TAFA2: variants seen among roughly 807,000 people sequenced by gnomAD.
TAFA2 encodes the protein chemokine-like protein TAFA-2.
TAFA2 carries 7 observed loss-of-function variants against 18.8 expected under a neutral mutation model. The ratio of observed to expected loss-of-function variants is 0.37; its 90% CI spans 0.21 to 0.70. The LOEUF is 0.70. Among genes scored for constraint, TAFA2 ranks in the 30% least tolerant of loss-of-function variants. TAFA2 has a pLI of 0.53. For synonymous variants in TAFA2, 60 were observed against 54.2 expected (o/e 1.11, Z -0.47); for missense variants, 122 against 158.1 (o/e 0.77, Z 1.23).
At chr12:62,105,792 A>T (rs1015504837) in intron 1 of TAFA2, among the ~76,000 whole-genome samples, 1 of 152,238 alleles carries the variant, frequency 6.6e-6, no homozygotes, top group Non-Finnish European at 1.5e-5. Flanking sequence ...TCAATAGCCA[A>T]ATAAAACAAA....
At chr12:62,043,455 G>A (rs969205967) in intron 1 of TAFA2, among the ~76,000 whole-genome samples, 4 of 150,050 alleles carry the variant, frequency 2.7e-5, no homozygotes, top group Non-Finnish European at 4.4e-5. Flanking sequence ...ACACTCCGGG[G>A]ACTGTTGTGA....
chr12:62,010,550 A>G (rs185882482), intron 1 of TAFA2, among the ~76,000 whole-genome samples: 1 of 151,982 alleles, frequency 6.6e-6, no homozygotes, highest in Non-Finnish European at 1.5e-5. Context: ...CCAAAGTGCT[A>G]AGATTACAGT....
In TAFA2 at chr12:62,126,090, C is replaced by T. The variant is rs533215448; in HGVS notation, c.-2+65169G>A. 6.4e-4 allele frequency among the ~76,000 whole-genome samples: 97 copies of T among 152,034 alleles called. 1 individual carries two copies. The highest frequency in any genetic ancestry group is 1.2e-3 in the Non-Finnish European group (80 of 68,018). ...TTAGTGTGGTTTAATGGATTATTCG[C>T]TATAAAATAATTTGAAATATAGCTC... On this transcript the variant is annotated intron_variant, in intron 1 of 4. Coordinates refer to ENST00000416284, the MANE Select transcript of TAFA2 (RefSeq NM_178539.5).
chr12:62,105,695 C>A (rs1426772740), intron 1 of TAFA2, among the ~76,000 whole-genome samples: 3 of 152,132 alleles, frequency 2.0e-5, no homozygotes, highest in African/African-American at 4.8e-5. Flanking sequence ...ATTTAATGAA[C>A]TTTCTACCTA....
chr12:61,893,748 T>C (rs1386040736), intron 1 of TAFA2, among the ~76,000 whole-genome samples: 1 of 152,236 alleles, frequency 6.6e-6, no homozygotes, highest in Admixed American at 6.5e-5. Flanking sequence ...TGTGCAAAAT[T>C]ACCCTGCTAT....
At chr12:61,741,481 C>T (rs1310029190) in intron 4 of TAFA2, among the ~76,000 whole-genome samples, 1 of 152,044 alleles carries the variant, frequency 6.6e-6, no homozygotes, top group African/African-American at 2.4e-5. Flanking sequence ...ATCTTGACAT[C>T]ATGGAATATA....
intron 1 of TAFA2, among the ~76,000 whole-genome samples, chr12:61,887,700 T>C (rs1875448761): frequency 6.7e-6 from 1 of 149,880 alleles, no homozygotes; most frequent in Non-Finnish European, 1.5e-5. Flanking sequence ...TTTTTTGTTC[T>C]TGCGATAGTT....
chr12:62,125,212 T>C (rs918759135), intron 1 of TAFA2, among the ~76,000 whole-genome samples: 3 of 152,082 alleles, frequency 2.0e-5, no homozygotes, highest in East Asian at 1.9e-4. Flanking sequence ...AGGAATATGA[T>C]TGATAGGAAT....
intron 1 of TAFA2, among the ~76,000 whole-genome samples, chr12:61,939,425 A>C (rs923479658): frequency 1.3e-5 from 2 of 152,146 alleles, no homozygotes; most frequent in African/African-American, 4.8e-5. Flanking sequence ...TCTTTGGTTT[A>C]TTGGCAAAAA....
intron 1 of TAFA2, among the ~76,000 whole-genome samples, chr12:62,241,325 A>G (rs748554005): frequency 3.3e-5 from 5 of 152,226 alleles, no homozygotes; most frequent in Non-Finnish European, 7.3e-5. Flanking sequence ...TTGGCTGCTA[A>G]TCAAAGAAAA....
intron 4 of TAFA2, among the ~76,000 whole-genome samples, chr12:61,712,893 C>T (rs150726553): frequency 1.2e-3 from 187 of 152,034 alleles, no homozygotes; most frequent in African/African-American, 4.4e-3. Context: ...GCCAGAATGG[C>T]AGTATTGCCA....
intron 4 of TAFA2, among the ~76,000 whole-genome samples, chr12:61,713,523 A>G (rs995263905): frequency 6.6e-6 from 1 of 152,172 alleles, no homozygotes; most frequent in Non-Finnish European, 1.5e-5. Flanking sequence ...TCAACACAAA[A>G]TAAGGATGAA....
At chr12:62,116,699 C>T (rs1056173023) in intron 1 of TAFA2, among the ~76,000 whole-genome samples, 20 of 151,014 alleles carry the variant, frequency 1.3e-4, no homozygotes, top group African/African-American at 3.0e-4. Flanking sequence ...GAACCTAGAA[C>T]GGGACCTGGA....
chr12:62,028,238 C>G (rs1020340225), intron 1 of TAFA2, among the ~76,000 whole-genome samples: 1 of 152,096 alleles, frequency 6.6e-6, no homozygotes, highest in Admixed American at 6.6e-5. Flanking sequence ...TAGCCTGGCC[C>G]TCTCCTGTGG....
At position 61,876,454 on chromosome 12, in the gene TAFA2, A is replaced by G. The variant is rs146610910; in HGVS notation, c.-1-9028T>C. On this transcript the variant is annotated intron_variant, in intron 1 of 4. Coordinates refer to ENST00000416284, the MANE Select transcript of TAFA2 (RefSeq NM_178539.5). ...GATTCTCCATTTTATGCATTTAACC[A>G]TCCAGTATGGTCAATATGCCAGCCA... Among the ~76,000 whole-genome samples, 331 of 152,300 alleles carry G rather than the reference A, an allele frequency of 2.2e-3. 1 individual carries two copies. The highest frequency in any genetic ancestry group is 7.5e-3 in the African/African-American group (313 of 41,564).
chr12:62,077,214 T>C (rs73123943), intron 1 of TAFA2, among the ~76,000 whole-genome samples: 31 of 152,316 alleles, frequency 2.0e-4, no homozygotes, highest in Non-Finnish European at 3.1e-4. Flanking sequence ...AGACACTTCT[T>C]TCAATTAATT....
At chr12:61,959,863 AT>A (rs934670859) in intron 1 of TAFA2, among the ~76,000 whole-genome samples, 5 of 151,140 alleles carry the variant, frequency 3.3e-5, no homozygotes, top group Non-Finnish European at 7.4e-5. Context: ...CTGCATCACT[AT>A]TTTTTTTTAT....
At chr12:62,185,815 C>A (rs928274705) in intron 1 of TAFA2, among the ~76,000 whole-genome samples, 19 of 152,138 alleles carry the variant, frequency 1.2e-4, no homozygotes, top group African/African-American at 4.6e-4. Context: ...TTTGTAAGGT[C>A]CTGGAAGGCC....
chr12:62,095,448 T>C (rs1868908241), intron 1 of TAFA2, among the ~76,000 whole-genome samples: 1 of 152,148 alleles, frequency 6.6e-6, no homozygotes, highest in South Asian at 2.1e-4. Context: ...TCAGGTCCAG[T>C]GCACTGAAAT....
Sources: allele counts gnomAD v4.1 joint callset (sites outside exome capture counted in the v4.1 genomes callset), GRCh38; gene constraint gnomAD v4.1.1; transcripts MANE v1.5; gene names NCBI Gene and HGNC (gene_info 2026-07-23, HGNC 2026-07-21).